The following KLRD1 variants were observed in gnomAD, a reference collection of about 807,000 sequenced individuals.
KLRD1 encodes natural killer cells antigen CD94.
KLRD1 carries 21 observed loss-of-function variants against 22.6 expected under a neutral mutation model. The ratio of observed to expected loss-of-function variants is 0.93; its 90% CI spans 0.66 to 1.34. The LOEUF (loss-of-function observed/expected upper bound fraction) is 1.34, where lower values mean the gene tolerates loss of function less well. Ranked by LOEUF, KLRD1 falls within the 40% of genes most tolerant of loss-of-function variation. The pLI is 0.00. For missense variants in KLRD1, 183 were observed against 208.6 expected (o/e 0.88, Z 0.76); for synonymous variants, 59 against 71.1 (o/e 0.83, Z 0.85).
chr12:10,310,932 A>T (rs1021782313), intron 3 of KLRD1, among the ~76,000 whole-genome samples: 1 of 152,236 alleles, frequency 6.6e-6, no homozygotes, highest in African/African-American at 2.4e-5. Flanking sequence ...TGTATAATTA[A>T]GCCTCAAGAT....
chr12:10,273,900 TA>T (rs953948507), intron 1 of KLRD1, among the ~76,000 whole-genome samples: 3 of 152,234 alleles, frequency 2.0e-5, no homozygotes, highest in South Asian at 2.1e-4. Flanking sequence ...ATGTAAATTA[TA>T]AAAAATCAGA....
At chr12:10,250,773 G>A (rs561535780) in intron 1 of KLRD1, among the ~76,000 whole-genome samples, 7 of 152,190 alleles carry the variant, frequency 4.6e-5, no homozygotes, top group East Asian at 1.9e-4. Context: ...AAGTCAGTAC[G>A]AAGTGGTTTC....
intron 1 of KLRD1, among the ~76,000 whole-genome samples, chr12:10,264,265 G>C (rs1224520480): frequency 6.6e-6 from 1 of 152,060 alleles, no homozygotes; most frequent in Non-Finnish European, 1.5e-5. Context: ...TACTTCTAAT[G>C]GTTCAACTGC....
intron 1 of KLRD1, among the ~76,000 whole-genome samples, chr12:10,263,668 C>T (rs923782008): frequency 6.6e-6 from 1 of 151,988 alleles, no homozygotes; most frequent in Non-Finnish European, 1.5e-5. Context: ...TCAGTTTAGT[C>T]CTGTACAAAC....
At chr12:10,254,242 C>T (rs1228546595) in intron 1 of KLRD1, among the ~76,000 whole-genome samples, 2 of 151,452 alleles carry the variant, frequency 1.3e-5, no homozygotes, top group East Asian at 2.0e-4. Context: ...TTCTGGGTAA[C>T]GTGGTGAAAC....
Position 10,307,979 on chromosome 12 carries a change from T to A in KLRD1, c.-99T>A. The A allele has an allele frequency of 9.3e-7, 1 of 1,075,216 alleles. No individual in the cohort carries two copies. Among genetic ancestry groups the A allele is most frequent in the Non-Finnish European group, 1.4e-6 (1 of 709,562 alleles). The allele number at this position is 1,075,216 out of a possible 1,614,324, so 66.6% of individuals were successfully genotyped here. ...AATTTCTTCATACTCAACTTTCAGA[T>A]TCTTTAATCTCCAGCTCAGCTTCAA... On this transcript the variant is annotated 5_prime_UTR_variant, in exon 1 of 6. Transcript: ENST00000336164.
rs904456628 is a variant in KLRD1 at position 10,325,292 on chromosome 12, A to G, written c.*10499A>G. 20 of 152,146 alleles carry G rather than the reference A, an allele frequency of 1.3e-4. No individual in the cohort carries two copies. Among genetic ancestry groups the G allele is most frequent in the African/African-American group, 4.8e-4 (20 of 41,454 alleles). The allele number at this position is 152,146 out of a possible 1,614,324, so 9.4% of individuals were successfully genotyped here. A position where few individuals can be genotyped will look rare whatever the true frequency, so the allele number is the denominator to read the frequency against. ...CAGATAGTTTTTATTTCCCAGTTATAAACCTCAGTTGTTCATGTTATCTTT... is the reference window on the plus strand; with the variant it reads ...CAGATAGTTTTTATTTCCCAGTTATGAACCTCAGTTGTTCATGTTATCTTT... On this transcript the variant is annotated 3_prime_UTR_variant, in exon 6 of 6. Transcript: ENST00000336164.
chr12:10,292,872 A>G (rs1335002070), intron 1 of KLRD1, among the ~76,000 whole-genome samples: 9 of 152,058 alleles, frequency 5.9e-5, no homozygotes, highest in Admixed American at 5.9e-4. Flanking sequence ...TCTGTTGTTT[A>G]GTGTAGCCAC....
intron 1 of KLRD1, among the ~76,000 whole-genome samples, chr12:10,297,312 C>T (rs1374085592): frequency 2.0e-5 from 3 of 152,062 alleles, no homozygotes; most frequent in African/African-American, 2.4e-5. Flanking sequence ...CTTAGGAAAG[C>T]GCCAAGTCTG....
At chr12:10,303,167 A>T (rs990077610), upstream of KLRD1, among the ~76,000 whole-genome samples, 1 of 152,204 alleles carries the variant, frequency 6.6e-6, no homozygotes, top group Non-Finnish European at 1.5e-5. Context: ...ATAGCATGAG[A>T]ACCTTTGTGT....
At chr12:10,305,725 C>A (rs1259742894), upstream of KLRD1, among the ~76,000 whole-genome samples, 1 of 152,168 alleles carries the variant, frequency 6.6e-6, no homozygotes. Flanking sequence ...ATAGATACAG[C>A]TATACAGATA....
chr12:10,305,409 T>C (rs531964954), upstream of KLRD1, among the ~76,000 whole-genome samples: 6 of 152,254 alleles, frequency 3.9e-5, no homozygotes, highest in African/African-American at 1.4e-4. Flanking sequence ...TTTGGAATTG[T>C]GTATGCAATA....
rs192203562 is a variant in KLRD1 at position 10,277,809 on chromosome 12, A to C, written c.-100-30169A>C. Among the ~76,000 whole-genome samples, 5 of 152,346 alleles carry C rather than the reference A, an allele frequency of 3.3e-5. No homozygotes were observed. In the East Asian group the frequency reaches 9.6e-4, roughly 29 times the overall value. Reference sequence around the variant, plus strand: ...TTATGTTTTAGAAAAGTTTTAGATTACAGAAAATATTGATCAGTTAGTGCA... The same window carrying C: ...TTATGTTTTAGAAAAGTTTTAGATTCCAGAAAATATTGATCAGTTAGTGCA... On this transcript the variant is annotated intron_variant, in intron 1 of 5. Coordinates refer to the KLRD1 transcript ENST00000544747.
chr12:10,254,201 G>T (rs1949370921), intron 1 of KLRD1, among the ~76,000 whole-genome samples: 1 of 152,004 alleles, frequency 6.6e-6, no homozygotes, highest in Non-Finnish European at 1.5e-5. Flanking sequence ...GGCCGAGACG[G>T]GTGGATCACG....
rs1048191759 is a variant in KLRD1, at chr12:10,327,644, T to C, written c.*12851T>C. On this transcript the variant is annotated 3_prime_UTR_variant, in exon 6 of 6. Coordinates refer to ENST00000336164, the MANE Select transcript of KLRD1 (RefSeq NM_002262.5). Reference sequence around the variant, plus strand: ...ACAGGGACCATTGTACTTCTTCTTTTACAATCTGTATGTTGTTAATTTCTT... The same window carrying C: ...ACAGGGACCATTGTACTTCTTCTTTCACAATCTGTATGTTGTTAATTTCTT... The C allele has an allele frequency of 3.9e-5, 6 of 152,194 alleles. No homozygotes were observed. Among genetic ancestry groups the C allele is most frequent in the South Asian group, 2.1e-4 (1 of 4,838 alleles). 9.4% of individuals were successfully genotyped at this position (152,194 alleles called of 1,614,324 possible). A position where few individuals can be genotyped will look rare whatever the true frequency, so the allele number is the denominator to read the frequency against.
chr12:10,281,127 C>T (rs1949637602), intron 1 of KLRD1, among the ~76,000 whole-genome samples: 1 of 152,048 alleles, frequency 6.6e-6, no homozygotes, highest in Admixed American at 6.6e-5. Context: ...TAAAATGTAA[C>T]CCCAAGTATC....
Position 10,323,864 on chromosome 12 carries a change from C to CTTTTTTTTTTTTTT in KLRD1, c.*9073_*9086dup, listed in dbSNP as rs3983613. 4 of 106,342 alleles carry CTTTTTTTTTTTTTT rather than the reference C, an allele frequency of 3.8e-5. No individual in the cohort carries two copies. Among genetic ancestry groups the CTTTTTTTTTTTTTT allele is most frequent in the Admixed American group, 1.2e-4 (1 of 8,006 alleles). The allele number at this position is 106,342 out of a possible 1,614,324, so 6.6% of individuals were successfully genotyped here. A position where few individuals can be genotyped will look rare whatever the true frequency, so the allele number is the denominator to read the frequency against. On this transcript the variant is annotated 3_prime_UTR_variant, in exon 6 of 6. Coordinates refer to ENST00000336164, the MANE Select transcript of KLRD1 (RefSeq NM_002262.5). Reference sequence around the variant, plus strand: ...TTCCCTTTTATTTCTTATTTCTTTCCTTTTTTTTTTTTTTTGAGACTGAGT... The same window carrying CTTTTTTTTTTTTTT: ...TTCCCTTTTATTTCTTATTTCTTTCCTTTTTTTTTTTTTTTTTTTTTTTTTTTTTGAGACTGAGT...
intron 1 of KLRD1, among the ~76,000 whole-genome samples, chr12:10,239,745 G>T (rs1222979484): frequency 6.7e-6 from 1 of 149,538 alleles, no homozygotes; most frequent in Non-Finnish European, 1.5e-5. Flanking sequence ...GGGTTCAGGC[G>T]ATTCTCCTGC....
At position 10,308,014 on chromosome 12, in the gene KLRD1, G is replaced by A. The variant is rs1406900444; in HGVS notation, c.-64G>A. 8.8e-6 allele frequency: 13 copies of A among 1,476,960 alleles called. No individual in the cohort carries two copies. The highest frequency in any genetic ancestry group is 1.9e-6 in the Non-Finnish European group (2 of 1,056,194). The allele number at this position is 1,476,960 out of a possible 1,614,324, so 91.5% of individuals were successfully genotyped here. On this transcript the variant is annotated 5_prime_UTR_variant, in exon 1 of 6. Coordinates refer to ENST00000336164, the MANE Select transcript of KLRD1 (RefSeq NM_002262.5). ...TCCAGCTCAGCTTCAACAATTCAAC[G>A]CTGTTCTTTCTGAAAAAGTACACAT...
Sources: gnomAD v4.1 joint callset for allele counts (sites outside exome capture counted in the v4.1 genomes callset) on GRCh38, gnomAD v4.1.1 for gene constraint, MANE v1.5 for transcripts, NCBI Gene and HGNC (gene_info 2026-07-23, HGNC 2026-07-21) for gene names.